The following MTDH variants were observed in gnomAD, a reference collection of about 807,000 sequenced individuals.
MTDH encodes protein LYRIC.
In MTDH, 34 loss-of-function variants were observed where a neutral mutation model predicts 72.7. The ratio of observed to expected loss-of-function variants is 0.47; its 90% CI spans 0.36 to 0.62. The LOEUF is 0.62. Ranked by LOEUF, MTDH falls within the 20% of genes least tolerant of loss-of-function variation. The pLI is 0.00. For missense variants in MTDH, 677 were observed against 699.4 expected (o/e 0.97, Z 0.36); for synonymous variants, 266 against 268.9 (o/e 0.99, Z 0.10).
intron 11 of MTDH, among the ~76,000 whole-genome samples, chr8:97,723,391 C>T (rs1815215728): frequency 6.6e-6 from 1 of 150,758 alleles, no homozygotes; most frequent in African/African-American, 2.4e-5. Context: ...GAGCGAGACT[C>T]CGTCTCAAAA....
At chr8:97,681,153 A>G (rs1053635967) in intron 2 of MTDH, among the ~76,000 whole-genome samples, 1 of 152,186 alleles carries the variant, frequency 6.6e-6, no homozygotes, top group Non-Finnish European at 1.5e-5. Flanking sequence ...AGGCCATTTC[A>G]GGCATTGAAC....
intron 2 of MTDH, among the ~76,000 whole-genome samples, chr8:97,677,488 C>T (rs1315221793): frequency 7.2e-6 from 1 of 138,776 alleles, no homozygotes; most frequent in African/African-American, 2.8e-5. Flanking sequence ...GAGACTCCAT[C>T]TCAAAAAAAA....
At chr8:97,683,683 C>T (rs773354578) in intron 2 of MTDH, among the ~76,000 whole-genome samples, 4 of 152,072 alleles carry the variant, frequency 2.6e-5, no homozygotes, top group African/African-American at 9.7e-5. Context: ...TGTAAACCAC[C>T]GCACTCAGCA....
rs1814996418 is a variant in MTDH at position 97,719,055 on chromosome 8, G to C, written c.1387G>C (p.Glu463Gln). The change falls in exon 10 of 12, where the codon GAA (glutamate) becomes CAA (glutamine). Residue 463 changes from glutamate to glutamine, a missense_variant. This residue lies in a region of MTDH where 201 missense variants were observed against 204.5 expected (regional missense o/e 0.98). Transcript: ENST00000336273. ...AGGTTATTTTTCTCTATAGGACACA[G>C]AAGAATTAGAAAAAGAGATTAGAGA... is the stretch of plus-strand genomic sequence containing the variant. ...GEDNSTAQDTEELEKEIREDL... is the reference protein window; with the variant it reads ...GEDNSTAQDTQELEKEIREDL... 6.2e-7 allele frequency: 1 copy of C among 1,601,606 alleles called. No homozygotes were observed. Among genetic ancestry groups the C allele is most frequent in the Non-Finnish European group, 8.5e-7 (1 of 1,174,634 alleles).
At chr8:97,722,526 C>T (rs904757464) in intron 10 of MTDH, among the ~76,000 whole-genome samples, 14 of 152,220 alleles carry the variant, frequency 9.2e-5, no homozygotes, top group South Asian at 2.1e-4. Flanking sequence ...CGTTTGAACC[C>T]GGGAGGCGGA....
Position 97,718,711 on chromosome 8 carries a change from T to G in MTDH, c.1381-338T>G, listed in dbSNP as rs116657136. Among the ~76,000 whole-genome samples the G allele has an allele frequency of 3.2e-3, 484 of 151,568 alleles. 4 individuals are homozygous for G. Among genetic ancestry groups the G allele is most frequent in the African/African-American group, 0.011 (463 of 41,372 alleles). ...TTTTGTAGTTTTGTAGTTTTGGGTTTTTTTTTTTTCTTTGAGACAGAATCA... is the reference window on the plus strand; with the variant it reads ...TTTTGTAGTTTTGTAGTTTTGGGTTGTTTTTTTTTCTTTGAGACAGAATCA... On this transcript the variant is annotated intron_variant, in intron 9 of 11. Coordinates refer to ENST00000336273, the MANE Select transcript of MTDH (RefSeq NM_178812.4).
chr8:97,649,355 A>G (rs1268940672), intron 1 of MTDH, among the ~76,000 whole-genome samples: 1 of 151,904 alleles, frequency 6.6e-6, no homozygotes, highest in African/African-American at 2.4e-5. Context: ...TTTTTTGCCA[A>G]TCTTTTCTAC....
chr8:97,662,880 C>T (rs1383546419), intron 2 of MTDH, among the ~76,000 whole-genome samples: 1 of 151,108 alleles, frequency 6.6e-6, no homozygotes, highest in Admixed American at 6.6e-5. Flanking sequence ...TAAGTCACTT[C>T]TTCAAAGACA....
At chr8:97,691,401 C>T (rs1026984815) in intron 6 of MTDH, among the ~76,000 whole-genome samples, 1 of 152,140 alleles carries the variant, frequency 6.6e-6, no homozygotes, top group African/African-American at 2.4e-5. Context: ...ATAGTGCTTT[C>T]ACATACTTTA....
At position 97,651,810 on chromosome 8, in the gene MTDH, A is replaced by T. The variant is rs149088968; in HGVS notation, c.381+6923A>T. ...ACGTATCTCAAACTTTTTAAAAATT[A>T]TCTCAAACTTTTAACATCTCCAAAA... On this transcript the variant is annotated intron_variant, in intron 1 of 11. Coordinates refer to ENST00000336273, the MANE Select transcript of MTDH (RefSeq NM_178812.4). 1.8e-4 allele frequency among the ~76,000 whole-genome samples: 27 copies of T among 152,262 alleles called. No homozygotes were observed. In the East Asian group the frequency reaches 5.2e-3, roughly 29 times the overall value.
At chr8:97,706,982 C>CCTCAGGGAGACAATAAT (rs567111765) in intron 8 of MTDH, among the ~76,000 whole-genome samples, 5 of 152,044 alleles carry the variant, frequency 3.3e-5, no homozygotes, top group African/African-American at 1.2e-4. Context: ...CAATTGAGAG[C>CCTCAGGGAGACAATAAT]CTCAGGGAGA....
rs376223752 is a variant in MTDH, at chr8:97,725,675, G to A, written c.*1005G>A. 6.0e-4 allele frequency: 92 copies of A among 152,672 alleles called. 2 individuals carry two copies. The highest frequency in any genetic ancestry group is 4.3e-3 in the Admixed American group (65 of 15,284). 9.5% of individuals were successfully genotyped at this position (152,672 alleles called of 1,614,324 possible). ...CCTTAACCTGTAGTGCGTAGAATATGCATCAATTTCTTGAAGGAGATTCAT... is the reference window on the plus strand; with the variant it reads ...CCTTAACCTGTAGTGCGTAGAATATACATCAATTTCTTGAAGGAGATTCAT... On this transcript the variant is annotated 3_prime_UTR_variant, in exon 12 of 12. Coordinates refer to ENST00000336273, the MANE Select transcript of MTDH (RefSeq NM_178812.4).
chr8:97,669,860 C>T (rs1451619405), intron 2 of MTDH, among the ~76,000 whole-genome samples: 5 of 140,480 alleles, frequency 3.6e-5, no homozygotes, highest in East Asian at 4.9e-4. Context: ...AGGTTGCAGG[C>T]GGAGTGGAGC....
At chr8:97,717,752 T>C (rs1426561074) in intron 9 of MTDH, among the ~76,000 whole-genome samples, 2 of 151,980 alleles carry the variant, frequency 1.3e-5, no homozygotes, top group Admixed American at 1.3e-4. Context: ...GATTGTTTGT[T>C]TGTTTGTTTG....
At chr8:97,665,043 T>C (rs907707268) in intron 2 of MTDH, among the ~76,000 whole-genome samples, 5 of 152,238 alleles carry the variant, frequency 3.3e-5, no homozygotes, top group Admixed American at 6.5e-5. Flanking sequence ...ATTACAGGCG[T>C]GAGCCAGTAC....
In MTDH at chr8:97,706,630, T is replaced by G; in HGVS notation, c.1152T>G (p.Gly384=). 6.3e-7 allele frequency: 1 copy of G among 1,593,790 alleles called. No individual in the cohort carries two copies. Residue 384 remains glycine (G), a synonymous_variant, in exon 8 of 12, where the codon GGT becomes GGG. Coordinates refer to ENST00000336273, the MANE Select transcript of MTDH (RefSeq NM_178812.4). ...YIDDEWSGLN[G]LSSADPNSDW... ...ATTCACACTGTTAAATTTTAGATGGTCTGTCTTCTGCTGATCCCAACTCTG... is the reference window on the plus strand; with the variant it reads ...ATTCACACTGTTAAATTTTAGATGGGCTGTCTTCTGCTGATCCCAACTCTG...
intron 1 of MTDH, among the ~76,000 whole-genome samples, chr8:97,655,028 G>A (rs1213734757): frequency 6.6e-6 from 1 of 150,954 alleles, no homozygotes; most frequent in Non-Finnish European, 1.5e-5. Flanking sequence ...GGAGGCGGAG[G>A]TTGCAGTGAG....
chr8:97,724,440 A>G (rs536434307), intron 11 of MTDH, among the ~76,000 whole-genome samples, 160 bp from the exon 12 acceptor site: 1 of 152,356 alleles, frequency 6.6e-6, no homozygotes, highest in Admixed American at 6.5e-5. Flanking sequence ...AAGAAGACAT[A>G]GAATAACTTA....
intron 1 of MTDH, among the ~76,000 whole-genome samples, chr8:97,647,540 G>A (rs946724201): frequency 1.3e-5 from 2 of 152,084 alleles, no homozygotes; most frequent in Admixed American, 1.3e-4. Context: ...AAAAAGGGGG[G>A]AAGGGAGGGC....
Sources: gnomAD v4.1 joint callset for allele counts (sites outside exome capture counted in the v4.1 genomes callset) on GRCh38, gnomAD v4.1.1 for gene constraint, gnomAD v4.1.1 regional missense constraint, MANE v1.5 for transcripts, NCBI Gene and HGNC (gene_info 2026-07-23, HGNC 2026-07-21) for gene names.